Variants in AGAP6 observed in about 807,000 individuals in gnomAD.
AGAP6 encodes the protein ArfGAP with GTPase domain, ankyrin repeat and PH domain 6.
Under a neutral mutation model 63.9 loss-of-function variants are expected in AGAP6, and 29 were observed. The observed-to-expected ratio is 0.45, with a 90% CI of 0.34 to 0.62. The LOEUF (loss-of-function observed/expected upper bound fraction) is 0.62. AGAP6 is among the 20% of genes least tolerant of loss of function. AGAP6 has a pLI of 0.01. For synonymous variants in AGAP6, 199 were observed against 332.9 expected (o/e 0.60, Z 4.38); for missense variants, 493 against 884.9 (o/e 0.56, Z 5.62).
In AGAP6 at chr10:50,007,885, G is replaced by A; in HGVS notation, c.534-140G>A. The A allele has an allele frequency of 5.3e-6, 8 of 1,509,838 alleles. No homozygotes were observed. In the South Asian group the frequency reaches 9.6e-5, roughly 18 times the overall value. The allele number at this position is 1,509,838 out of a possible 1,614,324, so 93.5% of individuals were successfully genotyped here. The stretch of plus-strand genomic sequence containing the variant: ...GAAGAAGTCAGGAAACCCTCTGCAA[G>A]TCAGGATCCAATAGAAGAATTCATA... On this transcript the variant is annotated intron_variant, in intron 6 of 7. Transcript: ENST00000412531.
At chr10:49,997,893 A>G (rs1841554598) in intron 4 of AGAP6, among the ~76,000 whole-genome samples, 1 of 140,810 alleles carries the variant, frequency 7.1e-6, no homozygotes, top group South Asian at 2.5e-4. Flanking sequence ...TTGGTTTTCC[A>G]TGCTGAGTTA....
intron 2 of AGAP6, 65 bp downstream of exon 2, chr10:49,989,441 C>T: frequency 6.3e-7 from 1 of 1,592,446 alleles, no homozygotes; most frequent in South Asian, 1.1e-5. Context: ...CTTCTTTGAG[C>T]TATTCTCTTC....
At chr10:50,008,251 G>A (rs546291299) in intron 7 of AGAP6, among the ~76,000 whole-genome samples, 175 bp downstream of exon 7, 69 of 149,922 alleles carry the variant, frequency 4.6e-4, no homozygotes, top group Non-Finnish European at 8.7e-4. Context: ...TGTTTAGTTA[G>A]TGAGCTAGTA....
chr10:49,993,797 G>A (rs573704921), intron 3 of AGAP6, among the ~76,000 whole-genome samples: 76 of 148,028 alleles, frequency 5.1e-4, no homozygotes, highest in African/African-American at 1.9e-3. Context: ...TCGAGCCTAG[G>A]TGACAGAGTG....
chr10:49,991,004 T>C (rs1457577680), intron 2 of AGAP6, among the ~76,000 whole-genome samples: 1 of 152,034 alleles, frequency 6.6e-6, no homozygotes, highest in Non-Finnish European at 1.5e-5. Context: ...ATGGGTAGTG[T>C]TGGATGAGAG....
intron 2 of AGAP6, among the ~76,000 whole-genome samples, chr10:49,991,389 T>TTG (rs1554860846): frequency 3.4e-5 from 5 of 149,242 alleles, no homozygotes; most frequent in African/African-American, 9.8e-5. Flanking sequence ...CTTCTGTTTT[T>TTG]TTTTTTTTTT....
At chr10:49,997,828 T>C (rs1405192638) in intron 4 of AGAP6, among the ~76,000 whole-genome samples, 2 of 145,850 alleles carry the variant, frequency 1.4e-5, no homozygotes, top group African/African-American at 5.1e-5. Flanking sequence ...TGTATCATTC[T>C]TATGGCTTTG....
At chr10:50,005,598 A>G (rs1345583756) in intron 6 of AGAP6, among the ~76,000 whole-genome samples, 38 of 148,936 alleles carry the variant, frequency 2.6e-4, no homozygotes, top group African/African-American at 8.9e-4. Flanking sequence ...GTGACAGAGC[A>G]AGACTCTGTC....
intron 7 of AGAP6, 23 bp downstream of exon 7, chr10:50,008,099 T>A (rs782104002): frequency 2.5e-6 from 4 of 1,611,772 alleles, no homozygotes; most frequent in Non-Finnish European, 3.4e-6. Context: ...TTTATTGAGG[T>A]TGTATTTTCA....
Position 50,009,775 on chromosome 10 carries a change from G to C in AGAP6, c.1650G>C (p.Gly550=), listed in dbSNP as rs781851955. 1 of 1,613,944 alleles carries C rather than the reference G, an allele frequency of 6.2e-7. No individual in the cohort carries two copies. Among genetic ancestry groups the C allele is most frequent in the East Asian group, 2.2e-5 (1 of 44,888 alleles). ...GCATCTGGGAAGGGAGCAGCCAGGGGCAGACAAAACCCTCAGAAAAGTCCA... is the reference window on the plus strand; with the variant it reads ...GCATCTGGGAAGGGAGCAGCCAGGGCCAGACAAAACCCTCAGAAAAGTCCA... ...ANSIWEGSSQ[G]QTKPSEKSTR... The change falls in exon 8 of 8, where the codon GGG becomes GGC. Residue 550 remains glycine, a synonymous_variant. Coordinates refer to ENST00000412531, the MANE Select transcript of AGAP6 (RefSeq NM_001077665.3).
chr10:50,010,470 T>G lies in AGAP6; in HGVS notation c.*284T>G. 1.4e-6 allele frequency: 1 copy of G among 738,024 alleles called. No individual in the cohort carries two copies. The highest frequency in any genetic ancestry group is 2.2e-6 in the Non-Finnish European group (1 of 464,610). 45.7% of individuals were successfully genotyped at this position (738,024 alleles called of 1,614,324 possible). A position where few individuals can be genotyped will look rare whatever the true frequency, so the allele number is the denominator to read the frequency against. On this transcript the variant is annotated 3_prime_UTR_variant, in exon 8 of 8. Coordinates refer to ENST00000412531, the MANE Select transcript of AGAP6 (RefSeq NM_001077665.3). Reference sequence around the variant, plus strand: ...TTTAGATAAAATGTGTGAAAACATATTTGAAATAAAGTTCATAAATATGCA... The same window carrying G: ...TTTAGATAAAATGTGTGAAAACATAGTTGAAATAAAGTTCATAAATATGCA...
intron 3 of AGAP6, among the ~76,000 whole-genome samples, chr10:49,994,052 G>T (rs528330697): frequency 6.6e-6 from 1 of 152,120 alleles, no homozygotes; most frequent in Non-Finnish European, 1.5e-5. Flanking sequence ...AATGCAGAAT[G>T]AGAGAATACT....
At position 49,988,831 on chromosome 10, in the gene AGAP6, G is replaced by A. The variant is rs782190157; in HGVS notation, c.116G>A (p.Arg39Lys). The A allele has an allele frequency of 9.7e-6, 15 of 1,553,206 alleles. No individual in the cohort carries two copies. The highest frequency in any genetic ancestry group is 2.1e-4 in the Middle Eastern group (1 of 4,796). Residue 39 changes from arginine to lysine, a missense_variant, in exon 1 of 8, where the codon AGG becomes AAG. Arg to Lys is a conservative substitution (Grantham distance 26, BLOSUM62 2). Transcript: ENST00000412531. ...SETYEAGARD[R>K]MAGAPMAAAV... ...ACCTATGAGGCAGGAGCTAGGGACA[G>A]GATGGCAGGAGCGCCCATGGCTGCT... is the stretch of plus-strand genomic sequence containing the variant.
intron 6 of AGAP6, among the ~76,000 whole-genome samples, chr10:50,005,710 C>G (rs1254440235): frequency 6.6e-6 from 1 of 150,872 alleles, no homozygotes; most frequent in Non-Finnish European, 1.5e-5. Context: ...CACTTGAGGT[C>G]AGGAGTTTGA....
At position 49,988,826 on chromosome 10, in the gene AGAP6, G is replaced by A. The variant is rs1161788519; in HGVS notation, c.111G>A (p.Arg37=). 5 of 1,562,122 alleles carry A rather than the reference G, an allele frequency of 3.2e-6. No individual in the cohort carries two copies. The highest frequency in any genetic ancestry group is 4.3e-6 in the Non-Finnish European group (5 of 1,149,670). Residue 37 remains arginine (R), a synonymous_variant, in exon 1 of 8, where the codon AGG becomes AGA. Coordinates refer to ENST00000412531, the MANE Select transcript of AGAP6 (RefSeq NM_001077665.3). ...CTGAGACCTATGAGGCAGGAGCTAG[G>A]GACAGGATGGCAGGAGCGCCCATGG... ...SESETYEAGA[R]DRMAGAPMAA...
intron 4 of AGAP6, among the ~76,000 whole-genome samples, chr10:49,995,297 A>G (rs1480864015): frequency 4.6e-5 from 7 of 152,134 alleles, no homozygotes; most frequent in Non-Finnish European, 7.3e-5. Flanking sequence ...CACTTCTGCA[A>G]TTCTCCTGGA....
Position 49,989,332 on chromosome 10 carries a change from A to G in AGAP6, c.248A>G (p.Asn83Ser), listed in dbSNP as rs782260874. The G allele has an allele frequency of 3.8e-6, 6 of 1,597,486 alleles. No homozygotes were observed. The highest frequency in any genetic ancestry group is 5.1e-6 in the Non-Finnish European group (6 of 1,179,760). Reference sequence around the variant, plus strand: ...GCTTTGGAGTTTAACCTTTCTGCCAATCCAGAGTCAAGCACAATATTCCAG... The same window carrying G: ...GCTTTGGAGTTTAACCTTTCTGCCAGTCCAGAGTCAAGCACAATATTCCAG... ...PEALEFNLSA[N>S]PESSTIFQRN... Residue 83 changes from asparagine (N) to serine (S), a missense_variant, in exon 2 of 8, where the codon AAT becomes AGT. Physicochemically the swap from Asn to Ser is conservative, Grantham distance 46. Coordinates refer to ENST00000412531, the MANE Select transcript of AGAP6 (RefSeq NM_001077665.3).
rs1554861161 is a variant in AGAP6 at position 49,992,114 on chromosome 10, T to C, written c.361+370T>C. 4.6e-5 allele frequency among the ~76,000 whole-genome samples: 7 copies of C among 151,238 alleles called. No individual in the cohort carries two copies. The South Asian group carries it at 1.5e-3, about 32-fold the overall frequency. ...ACACTTTAAAGATGAATGATAGAACTTAGGCTTCAGCTTGGTTTTCATTTA... is the reference window on the plus strand; with the variant it reads ...ACACTTTAAAGATGAATGATAGAACCTAGGCTTCAGCTTGGTTTTCATTTA... On this transcript the variant is annotated intron_variant, in intron 3 of 7. Coordinates refer to ENST00000412531, the MANE Select transcript of AGAP6 (RefSeq NM_001077665.3).
chr10:50,007,169 A>C (rs1841939325), intron 6 of AGAP6, among the ~76,000 whole-genome samples: 1 of 152,034 alleles, frequency 6.6e-6, no homozygotes, highest in Non-Finnish European at 1.5e-5. Context: ...AGGCAAGCGG[A>C]TTACCTGAGG....
Sources: allele counts gnomAD v4.1 joint callset (sites outside exome capture counted in the v4.1 genomes callset), GRCh38; gene constraint gnomAD v4.1.1; transcripts MANE v1.5; gene names NCBI Gene and HGNC (gene_info 2026-07-23, HGNC 2026-07-21).